Variants in COMMD1 observed in about 807,000 individuals in gnomAD.
The protein encoded by COMMD1 is COMM domain-containing protein 1.
COMMD1 carries 10 observed loss-of-function variants against 17.2 expected under a neutral mutation model. The observed-to-expected ratio is 0.58, with a 90% CI of 0.36 to 0.99. The LOEUF (loss-of-function observed/expected upper bound fraction) is 0.99. Ranked by LOEUF, COMMD1 falls within the 50% of genes least tolerant of loss-of-function variation. The pLI is 0.01. For missense variants in COMMD1, 270 were observed against 231.8 expected (o/e 1.17, Z -1.07); for synonymous variants, 97 against 91.6 (o/e 1.06, Z -0.34).
intron 1 of COMMD1, among the ~76,000 whole-genome samples, chr2:61,994,806 A>G (rs990140129): frequency 1.3e-5 from 2 of 152,122 alleles, no homozygotes; most frequent in Admixed American, 6.6e-5. Context: ...CTCCAGCCTC[A>G]TGTCCTTCTT....
At chr2:61,939,426 ACT>A (rs1670682947) in intron 1 of COMMD1, among the ~76,000 whole-genome samples, 1 of 151,614 alleles carries the variant, frequency 6.6e-6, no homozygotes, top group African/African-American at 2.4e-5. Flanking sequence ...AGATTGCGCC[ACT>A]GCACTCCAGC....
intron 2 of COMMD1, among the ~76,000 whole-genome samples, chr2:62,067,114 A>G (rs1465459217): frequency 6.6e-6 from 1 of 152,068 alleles, no homozygotes; most frequent in African/African-American, 2.4e-5. Context: ...AATCCCAGCT[A>G]CTAAAGAGGC....
At chr2:61,888,505 C>A, upstream of COMMD1, 1 of 1,611,488 alleles carries the variant, frequency 6.2e-7, no homozygotes, top group Non-Finnish European at 8.5e-7. Flanking sequence ...CATTCTCGGG[C>A]ATGGCAAACT....
At chr2:61,938,487 T>TTAA (rs1443270740) in intron 1 of COMMD1, among the ~76,000 whole-genome samples, 1 of 152,142 alleles carries the variant, frequency 6.6e-6, no homozygotes, top group African/African-American at 2.4e-5. Context: ...ATTCCTAGGA[T>TTAA]CACGGTTAAA....
chr2:61,949,386 C>A (rs534608706), intron 1 of COMMD1, among the ~76,000 whole-genome samples: 1 of 152,224 alleles, frequency 6.6e-6, no homozygotes, highest in African/African-American at 2.4e-5. Context: ...AAGAAGAGTT[C>A]CAGCCCAACG....
At chr2:61,961,311 A>C (rs1229666524) in intron 1 of COMMD1, among the ~76,000 whole-genome samples, 1 of 152,132 alleles carries the variant, frequency 6.6e-6, no homozygotes, top group Non-Finnish European at 1.5e-5. Flanking sequence ...CACATTTTAC[A>C]CTTTACCTGA....
rs1454805325 is a variant in COMMD1 at position 62,000,629 on chromosome 2, G to C, written c.181-72G>C. The stretch of plus-strand genomic sequence containing the variant: ...TTAAGAGTCACTCAAAATATAATCT[G>C]TAGTTAAGAAGCTATCTTTTTCTAA... On this transcript the variant is annotated intron_variant, in intron 1 of 2. Transcript: ENST00000311832. 4 of 1,383,190 alleles carry C rather than the reference G, an allele frequency of 2.9e-6. No homozygotes were observed. In the Admixed American group the frequency reaches 6.8e-5, roughly 24 times the overall value. The allele number at this position is 1,383,190 out of a possible 1,614,324, so 85.7% of individuals were successfully genotyped here.
rs150148891 is a variant in COMMD1 at position 62,086,795 on chromosome 2, T to A, written c.463-49036T>A. On this transcript the variant is annotated intron_variant, in intron 2 of 2. Transcript: ENST00000311832. The stretch of plus-strand genomic sequence containing the variant: ...TTTACTTATACTGTTAACTCTTTAA[T>A]AAAGACAATTTCTATATGCAAAACA... Among the ~76,000 whole-genome samples the A allele has an allele frequency of 5.0e-3, 757 of 152,178 alleles. 8 individuals carry two copies. The highest frequency in any genetic ancestry group is 0.017 in the African/African-American group (719 of 41,536).
At chr2:62,003,039 C>G (rs1331742132) in intron 2 of COMMD1, among the ~76,000 whole-genome samples, 3 of 151,056 alleles carry the variant, frequency 2.0e-5, no homozygotes, top group Admixed American at 2.0e-4. Flanking sequence ...TCAAGACCAG[C>G]CTGGCCAACA....
At chr2:62,010,028 T>C (rs979015410) in intron 2 of COMMD1, among the ~76,000 whole-genome samples, 9 of 152,180 alleles carry the variant, frequency 5.9e-5, no homozygotes, top group Non-Finnish European at 1.2e-4. Context: ...ATGTTTTACA[T>C]AAGGATTATA....
At chr2:61,981,962 C>A (rs1184832908) in intron 1 of COMMD1, among the ~76,000 whole-genome samples, 4 of 151,998 alleles carry the variant, frequency 2.6e-5, no homozygotes, top group African/African-American at 9.7e-5. Flanking sequence ...ATAGCTTTGG[C>A]GATTCTGGGT....
At chr2:61,940,853 A>AT (rs1379332293) in intron 1 of COMMD1, among the ~76,000 whole-genome samples, 5 of 149,768 alleles carry the variant, frequency 3.3e-5, no homozygotes, top group Non-Finnish European at 5.9e-5. Context: ...TGCCCGGGTA[A>AT]TTTTTTTTTA....
At chr2:61,893,166 C>A (rs765240784) in intron 1 of COMMD1, among the ~76,000 whole-genome samples, 1 of 151,928 alleles carries the variant, frequency 6.6e-6, no homozygotes, top group Non-Finnish European at 1.5e-5. Flanking sequence ...CATGCCTGGC[C>A]TCATTCTATG....
chr2:61,979,951 A>G (rs1262251693), intron 1 of COMMD1, among the ~76,000 whole-genome samples: 16 of 103,710 alleles, frequency 1.5e-4, no homozygotes, highest in African/African-American at 4.6e-4. Context: ...TCCTGTGTCC[A>G]TGTGATCTCA....
intron 1 of COMMD1, among the ~76,000 whole-genome samples, chr2:61,947,301 G>T (rs547617305): frequency 2.0e-5 from 3 of 152,004 alleles, no homozygotes; most frequent in African/African-American, 7.2e-5. Flanking sequence ...ATAACTTAAG[G>T]TTTCAAATTA....
intron 1 of COMMD1, among the ~76,000 whole-genome samples, chr2:61,916,304 A>G (rs1670050025): frequency 6.6e-6 from 1 of 152,060 alleles, no homozygotes; most frequent in Non-Finnish European, 1.5e-5. Flanking sequence ...ATCATGTTTT[A>G]AATTTCCAAG....
intron 2 of COMMD1, among the ~76,000 whole-genome samples, chr2:62,014,621 G>A (rs1383721085): frequency 1.8e-5 from 2 of 114,062 alleles, no homozygotes; most frequent in African/African-American, 6.8e-5. Flanking sequence ...GAATGCAGTG[G>A]TGCAATCTTG....
chr2:62,019,974 G>C (rs1021783961), intron 2 of COMMD1, among the ~76,000 whole-genome samples: 1 of 152,044 alleles, frequency 6.6e-6, no homozygotes, highest in African/African-American at 2.4e-5. Flanking sequence ...TTCATCCCAC[G>C]TGCAGAATAC....
chr2:61,994,300 T>C (rs1668684481), intron 1 of COMMD1, among the ~76,000 whole-genome samples: 2 of 152,206 alleles, frequency 1.3e-5, no homozygotes, highest in South Asian at 2.1e-4. Flanking sequence ...TTTGTATTGA[T>C]TGGCATAGCC....
Sources: gnomAD v4.1 joint callset for allele counts (sites outside exome capture counted in the v4.1 genomes callset) on GRCh38, gnomAD v4.1.1 for gene constraint, MANE v1.5 for transcripts, NCBI Gene and HGNC (gene_info 2026-07-23, HGNC 2026-07-21) for gene names.